Variants in KMT2C observed in about 807,000 individuals in gnomAD.
KMT2C encodes histone-lysine N-methyltransferase 2C.
Under a neutral mutation model 507.9 loss-of-function variants are expected in KMT2C, and 88 were observed. The observed-to-expected ratio is 0.17, with a 90% CI of 0.15 to 0.21. The LOEUF is 0.21. Ranked by LOEUF, KMT2C falls within the 10% of genes least tolerant of loss-of-function variation. The pLI, the probability that KMT2C is intolerant of heterozygous loss-of-function variation, is 1.00. For missense variants in KMT2C, 4,954 were observed against 5,957.8 expected, an observed-to-expected ratio of 0.83 and a Z score of 5.55; for synonymous variants, 2,049 against 2,080.8, an observed-to-expected ratio of 0.98 and a Z score of 0.42.
intron 23 of KMT2C, among the ~76,000 whole-genome samples, chr7:152,217,645 C>T (rs2094618891): frequency 6.6e-6 from 1 of 152,020 alleles, no homozygotes. Flanking sequence ...TTCAGATGGG[C>T]TATTTTATCA....
chr7:152,367,463 C>A, intron 1 of KMT2C: 1 of 770,958 alleles, frequency 1.3e-6, no homozygotes, highest in Admixed American at 1.9e-5. Flanking sequence ...AACAATCTAC[C>A]CACCTCGGCC....
intron 1 of KMT2C, among the ~76,000 whole-genome samples, chr7:152,377,632 G>A (rs1185093388): frequency 6.6e-6 from 1 of 151,080 alleles, no homozygotes; most frequent in Non-Finnish European, 1.5e-5. Context: ...ATACTCGGGG[G>A]AGCTGAGTCA....
chr7:152,242,277 C>T (rs2095401216), intron 14 of KMT2C, among the ~76,000 whole-genome samples: 1 of 152,058 alleles, frequency 6.6e-6, no homozygotes, highest in African/African-American at 2.4e-5. Flanking sequence ...CATCTATTAT[C>T]TTTTTTTGCA....
chr7:152,147,062 T>C (rs190065559), intron 52 of KMT2C, among the ~76,000 whole-genome samples: 51 of 152,322 alleles, frequency 3.3e-4, no homozygotes, highest in African/African-American at 1.2e-3. Flanking sequence ...ATTAGTCTAA[T>C]TGGTAATGTC....
intron 6 of KMT2C, among the ~76,000 whole-genome samples, chr7:152,303,150 T>C (rs554976443): frequency 6.6e-6 from 1 of 152,174 alleles, no homozygotes; most frequent in South Asian, 2.1e-4. Context: ...TAGTAAAAAA[T>C]GAATAAAGTT....
At chr7:152,341,939 C>T (rs1201440350) in intron 2 of KMT2C, among the ~76,000 whole-genome samples, 1 of 152,072 alleles carries the variant, frequency 6.6e-6, no homozygotes, top group Non-Finnish European at 1.5e-5. Context: ...AGTTTCTATT[C>T]TTGTAAATAA....
At position 152,361,905 on chromosome 7, in the gene KMT2C, A is replaced by C. The variant is rs190622355; in HGVS notation, c.162-3230T>G. On this transcript the variant is annotated intron_variant, in intron 1 of 58. Transcript: ENST00000262189. The stretch of plus-strand genomic sequence containing the variant: ...CCACTGTCGGAAACTGATAGATGAA[A>C]CATTATAGTTTGAAGCATTTTAAAC... Among the ~76,000 whole-genome samples the C allele has an allele frequency of 2.0e-5, 3 of 152,348 alleles. No homozygotes were observed. The East Asian group carries it at 5.8e-4, about 29-fold the overall frequency.
chr7:152,281,699 T>C (rs1457309709), intron 6 of KMT2C, among the ~76,000 whole-genome samples: 1 of 151,574 alleles, frequency 6.6e-6, no homozygotes, highest in Non-Finnish European at 1.5e-5. Context: ...GCCACTGCAC[T>C]CCAGCCTGGG....
chr7:152,194,360 AT>A (rs2129129400), intron 29 of KMT2C, 79 bp downstream of exon 29: 9 of 1,471,916 alleles, frequency 6.1e-6, no homozygotes, highest in Non-Finnish European at 7.5e-6. Flanking sequence ...TAGAAGTTAA[AT>A]TATAACCATG....
intron 2 of KMT2C, among the ~76,000 whole-genome samples, chr7:152,335,193 C>T (rs926431854): frequency 5.3e-5 from 8 of 152,122 alleles, no homozygotes; most frequent in Admixed American, 5.2e-4. Flanking sequence ...ATTTTTACAG[C>T]CAAAGATAGA....
At position 152,354,797 on chromosome 7, in the gene KMT2C, A is replaced by G. The variant is rs115526878; in HGVS notation, c.250+3790T>C. Among the ~76,000 whole-genome samples, 1,411 of 152,308 alleles carry G rather than the reference A, an allele frequency of 9.3e-3. 29 individuals are homozygous for G. The highest frequency in any genetic ancestry group is 0.033 in the African/African-American group (1,358 of 41,564). ...GAACAAGGGAACATAAGATACGGTT[A>G]TACAAGTAGCCAAAGTCAGATCAAT... On this transcript the variant is annotated intron_variant, in intron 2 of 58. Transcript: ENST00000262189.
chr7:152,219,338 T>C (rs928532197), intron 23 of KMT2C, among the ~76,000 whole-genome samples: 1 of 152,226 alleles, frequency 6.6e-6, no homozygotes, highest in Non-Finnish European at 1.5e-5. Flanking sequence ...ACTGATTTTT[T>C]TTAAGAGTTG....
rs1055318797 is a variant in KMT2C at position 152,297,069 on chromosome 7, G to C, written c.849+12897C>G. ...AGAAAGAAAGACAGAGAGAGAGAGAGAGAGAGAGAGAGAGAGAGAGAGAGA... is the reference window on the plus strand; with the variant it reads ...AGAAAGAAAGACAGAGAGAGAGAGACAGAGAGAGAGAGAGAGAGAGAGAGA... On this transcript the variant is annotated intron_variant, in intron 6 of 58. Transcript: ENST00000262189. Among the ~76,000 whole-genome samples the C allele has an allele frequency of 1.0e-3, 131 of 127,482 alleles. 2 individuals carry two copies. The highest frequency in any genetic ancestry group is 2.8e-3 in the African/African-American group (69 of 24,628). The allele number at this position is 127,482 out of a possible 152,430, so 83.6% of individuals were successfully genotyped here. A position where few individuals can be genotyped will look rare whatever the true frequency, so the allele number is the denominator to read the frequency against.
At chr7:152,152,338 G>C (rs2091696841) in intron 49 of KMT2C, among the ~76,000 whole-genome samples, 1 of 152,220 alleles carries the variant, frequency 6.6e-6, no homozygotes, top group Non-Finnish European at 1.5e-5. Context: ...ACAGGAAACA[G>C]AACCCACGTC....
Position 152,180,841 on chromosome 7 carries a change from G to A in KMT2C, c.7019C>T (p.Ser2340Phe), listed in dbSNP as rs1394961873. The A allele has an allele frequency of 6.2e-7, 1 of 1,614,186 alleles. No individual in the cohort carries two copies. Among genetic ancestry groups the A allele is most frequent in the Non-Finnish European group, 8.5e-7 (1 of 1,180,024 alleles). The part of the protein sequence containing the change: ...SEGSFCASSN[S>F]PMHSQGQQFS... ...CTGCTGGCCTTGGGAGTGCATTGGA[G>A]AGTTTGAAGATGCACAGAAGCTCCC... The change falls in exon 36 of 59, where the codon TCT (serine) becomes TTT (phenylalanine). Residue 2340 changes from serine (S) to phenylalanine (F), a missense_variant. Transcript: ENST00000262189.
chr7:152,249,539 T>C (rs1024595358), intron 13 of KMT2C, among the ~76,000 whole-genome samples: 5 of 151,652 alleles, frequency 3.3e-5, no homozygotes, highest in Non-Finnish European at 5.9e-5. Flanking sequence ...CCCAGGCCTA[T>C]ACATGTTCTG....
chr7:152,363,620 G>T (rs1485107452), intron 1 of KMT2C, among the ~76,000 whole-genome samples: 2 of 152,066 alleles, frequency 1.3e-5, no homozygotes, highest in African/African-American at 4.8e-5. Flanking sequence ...CTTTCTGCTT[G>T]GCATTAATTT....
In KMT2C at chr7:152,162,281, G is replaced by C; in HGVS notation, c.11296C>G (p.Pro3766Ala). The change falls in exon 43 of 59, where the codon CCT (proline) becomes GCT (alanine). Residue 3766 changes from proline to alanine, a missense_variant. Transcript: ENST00000262189. ...TTCCCTGAGTCTCCTTTGGCAGCAG[G>C]GGCCCCAGCAGAATGGGGAGGACTC... ...AQSPPHSAGAPAAKGDSGNEL... is the reference protein window; with the variant it reads ...AQSPPHSAGAAAAKGDSGNEL... The C allele has an allele frequency of 6.2e-7, 1 of 1,614,140 alleles. No individual in the cohort carries two copies. Among genetic ancestry groups the C allele is most frequent in the Non-Finnish European group, 8.5e-7 (1 of 1,180,016 alleles).
chr7:152,143,523 A>C (rs796455919), intron 55 of KMT2C, among the ~76,000 whole-genome samples: 5 of 152,362 alleles, frequency 3.3e-5, no homozygotes, highest in African/African-American at 1.2e-4. Context: ...ACAAGCTCCC[A>C]GGTGACACTG....
Sources: allele counts gnomAD v4.1 joint callset (sites outside exome capture counted in the v4.1 genomes callset), GRCh38; gene constraint gnomAD v4.1.1; transcripts MANE v1.5; gene names NCBI Gene and HGNC (gene_info 2026-07-23, HGNC 2026-07-21).